UNC13C: variants seen among roughly 807,000 people sequenced by gnomAD.
UNC13C encodes unc-13 homolog C.
A neutral mutation model predicts 245.4 loss-of-function variants in UNC13C; 174 were observed. The observed-to-expected ratio is 0.71, with a 90% CI of 0.63 to 0.80. UNC13C has a LOEUF of 0.80. Among genes scored for constraint, UNC13C ranks in the 30% least tolerant of loss-of-function variants. The pLI is 0.00. For missense variants in UNC13C, 2,829 were observed against 2,602.9 expected (o/e 1.09, Z -1.89); for synonymous variants, 992 against 895.1 (o/e 1.11, Z -1.93).
chr15:54,562,108 C>T (rs182473174), intron 29 of UNC13C, among the ~76,000 whole-genome samples: 2 of 152,028 alleles, frequency 1.3e-5, no homozygotes, highest in East Asian at 1.9e-4. Context: ...ATTTAAGAAC[C>T]TGCTTGAGAT....
intron 7 of UNC13C, among the ~76,000 whole-genome samples, chr15:54,247,354 T>C (rs971960690): frequency 6.6e-6 from 1 of 152,192 alleles, no homozygotes; most frequent in Non-Finnish European, 1.5e-5. Flanking sequence ...TCATCTTGCC[T>C]GATTTTGCTG....
At position 54,316,232 on chromosome 15, in the gene UNC13C, T is replaced by C. The variant is rs116324968; in HGVS notation, c.4269-5707T>C. On this transcript the variant is annotated intron_variant, in intron 13 of 32. Transcript: ENST00000260323. ...AGACTCTCTGTAAACCCCTCAGACT[T>C]ATCTTTGGCCATACCAATCCTAATT... Among the ~76,000 whole-genome samples, 97 of 152,048 alleles carry C rather than the reference T, an allele frequency of 6.4e-4. 1 individual carries two copies. Among genetic ancestry groups the C allele is most frequent in the African/African-American group, 1.8e-3 (75 of 41,534 alleles).
chr15:54,215,871 A>G (rs1053357563), intron 4 of UNC13C, among the ~76,000 whole-genome samples: 1 of 152,096 alleles, frequency 6.6e-6, no homozygotes, highest in Admixed American at 6.6e-5. Context: ...TTAAAACATC[A>G]TTTTAATCAT....
At chr15:53,870,148 T>TCCTC in the UNC13C span, among the ~76,000 whole-genome samples, 1 of 152,242 alleles carries the variant, frequency 6.6e-6, no homozygotes, top group Non-Finnish European at 1.5e-5. Flanking sequence ...ATTGTCCTTA[T>TCCTC]ATAATATAGT....
At chr15:54,440,057 G>A (rs1163081459) in intron 19 of UNC13C, among the ~76,000 whole-genome samples, 1 of 151,918 alleles carries the variant, frequency 6.6e-6, no homozygotes, top group Non-Finnish European at 1.5e-5. Context: ...GGGATGGAGT[G>A]GGACGTTATT....
At chr15:53,976,471 C>CTTTTTTTTTT (rs1491026119), upstream of UNC13C, among the ~76,000 whole-genome samples, 3 of 31,414 alleles carry the variant, frequency 9.5e-5, no homozygotes, top group African/African-American at 1.2e-4. Context: ...CTCTCTCTCT[C>CTTTTTTTTTT]TCTCTCTTTT....
At chr15:54,609,240 T>G (rs1899945561) in intron 30 of UNC13C, 1 of 152,216 alleles carries the variant, frequency 6.6e-6, no homozygotes, top group South Asian at 2.1e-4. Context: ...ATGAAGTCAG[T>G]TCTGTCTTCT....
At chr15:54,069,525 A>G (rs1013556601) in intron 2 of UNC13C, among the ~76,000 whole-genome samples, 48 of 152,194 alleles carry the variant, frequency 3.2e-4, no homozygotes, top group African/African-American at 1.1e-3. Context: ...AATTGCTCTC[A>G]TGTATATATT....
At chr15:54,094,028 T>C (rs1239175770) in intron 2 of UNC13C, among the ~76,000 whole-genome samples, 1 of 69,374 alleles carries the variant, frequency 1.4e-5, no homozygotes. Flanking sequence ...CATTGAAACC[T>C]TTACTTCATT....
chr15:54,397,248 T>C (rs182743203), intron 18 of UNC13C, among the ~76,000 whole-genome samples: 3 of 151,574 alleles, frequency 2.0e-5, no homozygotes, highest in Non-Finnish European at 4.4e-5. Flanking sequence ...TTTCATATGG[T>C]TATCTATTTT....
At chr15:53,923,761 G>T in the UNC13C span, among the ~76,000 whole-genome samples, 1 of 152,210 alleles carries the variant, frequency 6.6e-6, no homozygotes. Flanking sequence ...ATCTCTGTTT[G>T]TAAGTGCTCC....
At chr15:54,132,493 C>T (rs1039704059) in intron 2 of UNC13C, among the ~76,000 whole-genome samples, 1 of 152,186 alleles carries the variant, frequency 6.6e-6, no homozygotes, top group Non-Finnish European at 1.5e-5. Flanking sequence ...ATGTCTGAAA[C>T]ATACACCATC....
intron 2 of UNC13C, among the ~76,000 whole-genome samples, chr15:54,043,062 T>A (rs1896881617): frequency 6.6e-6 from 1 of 152,206 alleles, no homozygotes; most frequent in Admixed American, 6.5e-5. Context: ...AGAACAATGA[T>A]GGCTTCATCC....
rs760370638 is a variant in UNC13C, at chr15:54,013,901, A to G, written c.998A>G (p.Tyr333Cys). The change falls in exon 2 of 33, where the codon TAT becomes TGT. Residue 333 changes from tyrosine to cysteine, a missense_variant. Tyr to Cys is a radical substitution (Grantham distance 194). Coordinates refer to ENST00000260323, the MANE Select transcript of UNC13C (RefSeq NM_001080534.3). ...FLNVTEERFE[Y>C]VESVVYQILI... ...AATGTGACTGAAGAAAGATTTGAAT[A>G]TGTTGAAAGCGTGGTGTACCAAATT... 21 of 1,613,124 alleles carry G rather than the reference A, an allele frequency of 1.3e-5. No homozygotes were observed. In the East Asian group the frequency reaches 4.5e-4, roughly 34 times the overall value.
At chr15:54,317,315 A>G (rs912043575) in intron 13 of UNC13C, among the ~76,000 whole-genome samples, 1 of 151,936 alleles carries the variant, frequency 6.6e-6, no homozygotes, top group Non-Finnish European at 1.5e-5. Context: ...GACTACACTT[A>G]TTTACATGAC....
chr15:54,622,801 A>T (rs1900878288), intron 31 of UNC13C, among the ~76,000 whole-genome samples: 1 of 152,120 alleles, frequency 6.6e-6, no homozygotes, highest in Admixed American at 6.6e-5. Context: ...GTTCTTTACA[A>T]TGAGTGGCTC....
At chr15:54,257,673 G>A (rs1201376036) in intron 8 of UNC13C, among the ~76,000 whole-genome samples, 1 of 152,158 alleles carries the variant, frequency 6.6e-6, no homozygotes, top group African/African-American at 2.4e-5. Flanking sequence ...AATGGGAGAT[G>A]ACGCTATGTT....
intron 16 of UNC13C, among the ~76,000 whole-genome samples, chr15:54,335,665 G>C (rs1409374211): frequency 6.6e-6 from 1 of 152,086 alleles, no homozygotes; most frequent in African/African-American, 2.4e-5. Flanking sequence ...TAACACAATA[G>C]AGAATCATTG....
intron 14 of UNC13C, among the ~76,000 whole-genome samples, chr15:54,324,837 G>A (rs906878645): frequency 3.3e-5 from 5 of 152,054 alleles, no homozygotes; most frequent in African/African-American, 1.2e-4. Flanking sequence ...CACGAAGTTT[G>A]TTCAGTGAAT....
Sources: gnomAD v4.1 joint callset for allele counts (sites outside exome capture counted in the v4.1 genomes callset) on GRCh38, gnomAD v4.1.1 for gene constraint, MANE v1.5 for transcripts, NCBI Gene and HGNC (gene_info 2026-07-23, HGNC 2026-07-21) for gene names.